Variants in CLSTN1 observed in about 807,000 individuals in gnomAD.
CLSTN1 encodes calsyntenin 1.
CLSTN1 carries 28 observed loss-of-function variants against 108.3 expected under a neutral mutation model. That is an observed-to-expected ratio of 0.26 (90% confidence interval 0.19 to 0.35). CLSTN1 has a LOEUF of 0.35. Ranked by LOEUF, CLSTN1 falls within the 10% of genes least tolerant of loss-of-function variation. CLSTN1 has a pLI of 1.00. For synonymous variants in CLSTN1, 524 were observed against 534.9 expected (o/e 0.98, Z 0.28); for missense variants, 1,157 against 1,302.6 (o/e 0.89, Z 1.72).
intron 1 of CLSTN1, among the ~76,000 whole-genome samples, chr1:9,813,302 G>A (rs1001362913): frequency 5.9e-5 from 9 of 151,710 alleles, no homozygotes; most frequent in South Asian, 4.1e-4. Flanking sequence ...GTTCAAGACC[G>A]TCCTGGGCAA....
rs980320079 is a variant in CLSTN1 at position 9,744,443 on chromosome 1, G to A, written c.1186C>T (p.Pro396Ser). 1 of 1,609,866 alleles carries A rather than the reference G, an allele frequency of 6.2e-7. No homozygotes were observed. The highest frequency in any genetic ancestry group is 8.5e-7 in the Non-Finnish European group (1 of 1,179,542). ...FTISVWMRHG[P>S]FGRKKETILC... ...ATTGTCTCCTTCTTCCTGCCGAATG[G>A]CCCATGTCTCATCCACACCGAGATG... Residue 396 changes from proline to serine, a missense_variant, in exon 8 of 19, where the codon CCA becomes TCA. By Grantham distance (74) the Pro-to-Ser change is moderately conservative. Transcript: ENST00000377298.
intron 11 of CLSTN1, among the ~76,000 whole-genome samples, chr1:9,737,220 C>CA (rs1354934483): frequency 2.0e-5 from 3 of 150,798 alleles, no homozygotes; most frequent in African/African-American, 7.4e-5. Flanking sequence ...ACTGAAAAAG[C>CA]AGGGAGCCTC....
chr1:9,757,063 C>T (rs544250509), intron 2 of CLSTN1, among the ~76,000 whole-genome samples: 1 of 151,786 alleles, frequency 6.6e-6, no homozygotes, highest in African/African-American at 2.4e-5. Flanking sequence ...CAGGAGTGAG[C>T]CCCCGTGCCC....
intron 1 of CLSTN1, among the ~76,000 whole-genome samples, chr1:9,818,313 T>C (rs1225566747): frequency 6.7e-6 from 1 of 149,694 alleles, no homozygotes; most frequent in Non-Finnish European, 1.5e-5. Context: ...CCTGGCCGTT[T>C]GGGTTTTTTT....
intron 1 of CLSTN1, among the ~76,000 whole-genome samples, chr1:9,790,869 C>T (rs1653735730): frequency 6.6e-6 from 1 of 150,768 alleles, no homozygotes; most frequent in South Asian, 2.2e-4. Context: ...CGCGGCGGCT[C>T]ACGCCTGTAA....
At chr1:9,784,278 C>T (rs1434934761) in intron 1 of CLSTN1, among the ~76,000 whole-genome samples, 2 of 151,194 alleles carry the variant, frequency 1.3e-5, no homozygotes, top group Non-Finnish European at 1.5e-5. Context: ...GGGGGGCAGA[C>T]GTTGCAGTGA....
At chr1:9,782,296 C>T (rs938710557) in intron 1 of CLSTN1, among the ~76,000 whole-genome samples, 1 of 152,096 alleles carries the variant, frequency 6.6e-6, no homozygotes, top group Non-Finnish European at 1.5e-5. Context: ...GTTTTATACC[C>T]TATAAATGGA....
At chr1:9,803,689 G>C (rs1436869257) in intron 1 of CLSTN1, among the ~76,000 whole-genome samples, 2 of 152,058 alleles carry the variant, frequency 1.3e-5, no homozygotes, top group Non-Finnish European at 2.9e-5. Context: ...TGTAATCCCA[G>C]CTACTTGGGA....
At chr1:9,750,370 T>C (rs1320224382) in intron 5 of CLSTN1, among the ~76,000 whole-genome samples, 1 of 152,172 alleles carries the variant, frequency 6.6e-6, no homozygotes, top group African/African-American at 2.4e-5. Context: ...GGAAAGTGTT[T>C]GCAATGTCCA....
In CLSTN1 at chr1:9,755,276, T is replaced by C. The variant is rs2101117223; in HGVS notation, c.278A>G (p.Asn93Ser). 6.2e-7 allele frequency: 1 copy of C among 1,613,312 alleles called. No individual in the cohort carries two copies. ...CACTACCACTGCATCAAAGGGGACA[T>C]TCTGCCCGTGAATTTTAAATCCACA... ...EICGFKIHGQ[N>S]VPFDAVVVDK... Residue 93 changes from asparagine to serine, a missense_variant, in exon 4 of 19, where the codon AAT (asparagine) becomes AGT (serine). Physicochemically the swap from Asn to Ser is conservative, Grantham distance 46 (BLOSUM62 1). Coordinates refer to ENST00000377298, the MANE Select transcript of CLSTN1 (RefSeq NM_001009566.3).
chr1:9,803,565 G>A (rs1368464260), intron 1 of CLSTN1, among the ~76,000 whole-genome samples: 1 of 152,206 alleles, frequency 6.6e-6, no homozygotes, highest in Non-Finnish European at 1.5e-5. Flanking sequence ...CACTTTGGGA[G>A]GCCAATGTGG....
chr1:9,741,852 C>T (rs187238103), intron 9 of CLSTN1, among the ~76,000 whole-genome samples: 3 of 152,298 alleles, frequency 2.0e-5, no homozygotes, highest in African/African-American at 4.8e-5. Flanking sequence ...GCAAAGGTTG[C>T]GGTGAGCCGA....
intron 1 of CLSTN1, among the ~76,000 whole-genome samples, chr1:9,780,014 G>A (rs978705108): frequency 3.3e-5 from 5 of 151,898 alleles, no homozygotes; most frequent in South Asian, 2.1e-4. Context: ...CACCACACTC[G>A]GCTAATTTTT....
At chr1:9,761,476 T>C (rs974873150) in intron 2 of CLSTN1, among the ~76,000 whole-genome samples, 5 of 152,194 alleles carry the variant, frequency 3.3e-5, no homozygotes, top group Admixed American at 6.5e-5. Context: ...CTCTGTACTC[T>C]GGGCGACGGA....
At chr1:9,812,131 C>T (rs1003034956) in intron 1 of CLSTN1, among the ~76,000 whole-genome samples, 2 of 152,032 alleles carry the variant, frequency 1.3e-5, no homozygotes, top group African/African-American at 4.8e-5. Flanking sequence ...AGCAAGACTC[C>T]GTCTCAAAAA....
At position 9,730,964 on chromosome 1, in the gene CLSTN1, G is replaced by A. The variant is rs1650349736; in HGVS notation, c.2748+242C>T. Reference sequence around the variant, plus strand: ...CTGCCCCACCAGAGAACTCTCTCAGGATTACCATGACCCAAGAGCGCCAAG... The same window carrying A: ...CTGCCCCACCAGAGAACTCTCTCAGAATTACCATGACCCAAGAGCGCCAAG... On this transcript the variant is annotated intron_variant, in intron 18 of 18. Coordinates refer to ENST00000377298, the MANE Select transcript of CLSTN1 (RefSeq NM_001009566.3). The surrounding 1 kb of genome is among the most constrained non-coding windows in gnomAD (Gnocchi z 5.6). 1.3e-5 allele frequency among the ~76,000 whole-genome samples: 2 copies of A among 152,166 alleles called. No homozygotes were observed. The highest frequency in any genetic ancestry group is 4.8e-5 in the African/African-American group (2 of 41,432).
At chr1:9,815,657 C>T (rs564639466) in intron 1 of CLSTN1, among the ~76,000 whole-genome samples, 1 of 152,284 alleles carries the variant, frequency 6.6e-6, no homozygotes, top group South Asian at 2.1e-4. Context: ...AAAACACAGG[C>T]CGGGCATAGT....
intron 1 of CLSTN1, among the ~76,000 whole-genome samples, chr1:9,776,393 G>C (rs1652943683): frequency 6.6e-6 from 1 of 152,074 alleles, no homozygotes; most frequent in South Asian, 2.1e-4. Context: ...TTGTTTAATG[G>C]GTATAAAATT....
At chr1:9,746,579 T>C (rs934113788) in intron 7 of CLSTN1, among the ~76,000 whole-genome samples, 11 of 152,210 alleles carry the variant, frequency 7.2e-5, no homozygotes, top group Non-Finnish European at 1.3e-4. Flanking sequence ...CCAGGCATGA[T>C]GGCAGATGCC....
Sources: gnomAD v4.1 joint callset for allele counts (sites outside exome capture counted in the v4.1 genomes callset) on GRCh38, gnomAD v4.1.1 for gene constraint, Gnocchi (gnomAD v3.1) non-coding constraint, MANE v1.5 for transcripts, NCBI Gene and HGNC (gene_info 2026-07-23, HGNC 2026-07-21) for gene names.